GJA5: variants seen among roughly 807,000 people sequenced by gnomAD.
GJA5 encodes the protein gap junction protein alpha 5.
In GJA5, 3 loss-of-function variants were observed where a neutral mutation model predicts 7.9. The observed-to-expected ratio is 0.38, with a 90% CI of 0.17 to 0.99. The LOEUF is 0.99. GJA5 is among the 50% of genes least tolerant of loss of function. The pLI is 0.38. For missense variants in GJA5, 390 were observed against 457.9 expected (o/e 0.85, Z 1.35); for synonymous variants, 193 against 181.0 (o/e 1.07, Z -0.53).
chr1:147,759,077 A>G lies in GJA5; in HGVS notation c.162T>C (p.Cys54=). ...TCTGGCAGCCAGGCTGAATCGTATC[A>G]CACCGGAAATCAGCCTGCTCATCCC... ...SWGDEQADFR[C]DTIQPGCQNV... The change falls in exon 2 of 2, where the codon TGT becomes TGC. Residue 54 remains cysteine (C), a synonymous_variant. Coordinates refer to ENST00000579774, the MANE Select transcript of GJA5 (RefSeq NM_181703.4). 6.2e-7 allele frequency: 1 copy of G among 1,613,016 alleles called. No individual in the cohort carries two copies.
upstream of GJA5, among the ~76,000 whole-genome samples, chr1:147,764,136 A>G (rs1664117609): frequency 6.6e-6 from 1 of 152,104 alleles, no homozygotes; most frequent in Admixed American, 6.5e-5. Context: ...TGGTCCCCCT[A>G]CACGGCCAGT....
At chr1:147,771,810 G>A (rs1412052368) in intron 1 of GJA5, among the ~76,000 whole-genome samples, 1 of 152,188 alleles carries the variant, frequency 6.6e-6, no homozygotes, top group African/African-American at 2.4e-5. Context: ...GTGAGGAAAA[G>A]GCTTGGAGGG....
Position 147,758,018 on chromosome 1 carries a change from T to TA in GJA5, c.*143_*144insT, listed in dbSNP as rs1456765867. 1 of 685,732 alleles carries TA rather than the reference T, an allele frequency of 1.5e-6. No homozygotes were observed. The highest frequency in any genetic ancestry group is 2.6e-6 in the Non-Finnish European group (1 of 387,920). 42.5% of individuals were successfully genotyped at this position (685,732 alleles called of 1,614,324 possible). ...AGAGCCCTGGTTATAGTTTCTAGAA[T>TA]TAATGAGCAACGTCATTGAGACCCG... On this transcript the variant is annotated 3_prime_UTR_variant, in exon 2 of 2. Coordinates refer to ENST00000579774, the MANE Select transcript of GJA5 (RefSeq NM_181703.4).
intron 1 of GJA5, among the ~76,000 whole-genome samples, chr1:147,768,918 A>C (rs1393409472): frequency 1.3e-5 from 2 of 152,248 alleles, no homozygotes; most frequent in Non-Finnish European, 2.9e-5. Context: ...AAGAGAAAGA[A>C]AACCAAGGAC....
upstream of GJA5, among the ~76,000 whole-genome samples, chr1:147,761,300 T>C (rs1300459070): frequency 2.6e-5 from 4 of 152,210 alleles, no homozygotes; most frequent in African/African-American, 9.6e-5. Flanking sequence ...TTGACCGTCA[T>C]ATCTTTGCTG....
At chr1:147,761,834 G>T (rs782085453), upstream of GJA5, among the ~76,000 whole-genome samples, 14 of 152,152 alleles carry the variant, frequency 9.2e-5, no homozygotes, top group Non-Finnish European at 1.9e-4. Context: ...GGAGAGAAGG[G>T]GAGGAATAAA....
chr1:147,759,010 A>G lies in GJA5; in HGVS notation c.229T>C (p.Tyr77His), dbSNP rs1663877672. The change falls in exon 2 of 2, where the codon TAC (tyrosine) becomes CAC (histidine). Residue 77 changes from tyrosine to histidine, a missense_variant. Around this residue, in one of 2 missense-constraint regions of GJA5, gnomAD observed 354 missense variants for 370.9 expected, o/e 0.95. Transcript: ENST00000579774. ...ACGAAGATGATCTGCAGCACCCAGT[A>G]GCGAATGTGGGAGATGGGGAAAGCC... ...DQAFPISHIRYWVLQIIFVST... is the reference protein window; with the variant it reads ...DQAFPISHIRHWVLQIIFVST... 3.1e-6 allele frequency: 5 copies of G among 1,614,210 alleles called. No individual in the cohort carries two copies. Among genetic ancestry groups the G allele is most frequent in the Non-Finnish European group, 3.4e-6 (4 of 1,180,022 alleles).
intron 1 of GJA5, among the ~76,000 whole-genome samples, chr1:147,765,842 T>C (rs1553228117): frequency 6.6e-6 from 1 of 152,142 alleles, no homozygotes; most frequent in African/African-American, 2.4e-5. Flanking sequence ...TGTAGCAGTC[T>C]TTTAGTAGTG....
chr1:147,757,467 G>A lies in GJA5; in HGVS notation c.*695C>T, dbSNP rs1166092438. ...CACAGGCTAGGTGTACACCCTAGCAGAAGGAAAGGTTGCAACATCACCAAG... is the reference window on the plus strand; with the variant it reads ...CACAGGCTAGGTGTACACCCTAGCAAAAGGAAAGGTTGCAACATCACCAAG... On this transcript the variant is annotated 3_prime_UTR_variant, in exon 2 of 2. Transcript: ENST00000579774. The A allele has an allele frequency of 6.4e-6, 1 of 156,750 alleles. No individual in the cohort carries two copies. Among genetic ancestry groups the A allele is most frequent in the Non-Finnish European group, 1.4e-5 (1 of 70,698 alleles). 9.7% of individuals were successfully genotyped at this position (156,750 alleles called of 1,614,324 possible). A position where few individuals can be genotyped will look rare whatever the true frequency, so the allele number is the denominator to read the frequency against.
chr1:147,769,747 T>C (rs1171952717), intron 1 of GJA5, among the ~76,000 whole-genome samples: 3 of 152,022 alleles, frequency 2.0e-5, no homozygotes, highest in Non-Finnish European at 4.4e-5. Context: ...AAATTAGTTA[T>C]CTCACAAGGC....
upstream of GJA5, among the ~76,000 whole-genome samples, chr1:147,764,387 G>C (rs1664126503): frequency 6.6e-6 from 1 of 152,154 alleles, no homozygotes; most frequent in African/African-American, 2.4e-5. Flanking sequence ...CCTTAGACTT[G>C]TTTTCCAAAC....
upstream of GJA5, among the ~76,000 whole-genome samples, chr1:147,762,734 T>C (rs1664065970): frequency 6.6e-6 from 1 of 152,202 alleles, no homozygotes; most frequent in African/African-American, 2.4e-5. Flanking sequence ...CAGTTTATAA[T>C]GTGAAAGGTC....
At chr1:147,767,932 G>A (rs1553228463) in intron 1 of GJA5, among the ~76,000 whole-genome samples, 1 of 152,228 alleles carries the variant, frequency 6.6e-6, no homozygotes. Context: ...ATAGGGAGTT[G>A]ATTGTAGGTG....
Position 147,758,489 on chromosome 1 carries a change from A to C in GJA5, c.750T>G (p.Leu250=), listed in dbSNP as rs1663837249. The C allele has an allele frequency of 6.2e-7, 1 of 1,614,092 alleles. No individual in the cohort carries two copies. The highest frequency in any genetic ancestry group is 1.1e-5 in the South Asian group (1 of 91,090). The part of the protein sequence containing the change: ...KPRQHMAKCQ[L]SGPSVGIVQS... ...GGACTATGCCCACAGAGGGGCCAGA[A>C]AGCTGGCACTTAGCCATGTGCTGCC... is the stretch of plus-strand genomic sequence containing the variant. The change falls in exon 2 of 2, where the codon CTT becomes CTG. Residue 250 remains leucine, a synonymous_variant. Coordinates refer to ENST00000579774, the MANE Select transcript of GJA5 (RefSeq NM_181703.4).
At chr1:147,766,314 C>T (rs148819085) in intron 1 of GJA5, among the ~76,000 whole-genome samples, 25 of 152,236 alleles carry the variant, frequency 1.6e-4, no homozygotes, top group African/African-American at 5.3e-4. Flanking sequence ...ATAAAAACAA[C>T]GATGGATGAA....
At chr1:147,771,210 G>A (rs1281727635) in intron 1 of GJA5, among the ~76,000 whole-genome samples, 8 of 152,164 alleles carry the variant, frequency 5.3e-5, no homozygotes, top group South Asian at 2.1e-4. Flanking sequence ...TGTGCCCCAC[G>A]AACAGCCAGT....
chr1:147,757,375 A>T lies in GJA5; in HGVS notation c.*787T>A, dbSNP rs1223518465. ...TGAACTGTAAAGGAGCTGCAGGGTG[A>T]CAGATGTTGGCAGGAATTCCAGTAG... On this transcript the variant is annotated 3_prime_UTR_variant, in exon 2 of 2. Coordinates refer to ENST00000579774, the MANE Select transcript of GJA5 (RefSeq NM_181703.4). 3.3e-5 allele frequency: 5 copies of T among 152,732 alleles called. 1 individual carries two copies. The highest frequency in any genetic ancestry group is 2.6e-4 in the Admixed American group (4 of 15,322). 9.5% of individuals were successfully genotyped at this position (152,732 alleles called of 1,614,324 possible).
At chr1:147,761,708 A>C (rs1261759704), upstream of GJA5, among the ~76,000 whole-genome samples, 1 of 152,220 alleles carries the variant, frequency 6.6e-6, no homozygotes, top group Non-Finnish European at 1.5e-5. Context: ...TGATTAGATA[A>C]GAGTTTGAAT....
Position 147,758,322 on chromosome 1 carries a change from T to A in GJA5, c.917A>T (p.Gln306Leu). The change falls in exon 2 of 2, where the codon CAG becomes CTG. Residue 306 changes from glutamine to leucine, a missense_variant. Physicochemically the swap from Gln to Leu is moderately radical, Grantham distance 113. This residue lies in a region of GJA5 where 354 missense variants were observed against 370.9 expected (regional missense o/e 0.95). Transcript: ENST00000579774. The part of the protein sequence containing the change: ...LVTEQVRGQE[Q>L]TPGEGFIQVR... ...CTGGATGAAACCTTCCCCAGGAGTC[T>A]GCTCCTGACCTCGTACTTGCTCGGT... The A allele has an allele frequency of 6.2e-7, 1 of 1,614,178 alleles. No homozygotes were observed. The highest frequency in any genetic ancestry group is 8.5e-7 in the Non-Finnish European group (1 of 1,179,986).
Sources: gnomAD v4.1 joint callset for allele counts (sites outside exome capture counted in the v4.1 genomes callset) on GRCh38, gnomAD v4.1.1 for gene constraint, gnomAD v4.1.1 regional missense constraint, MANE v1.5 for transcripts, NCBI Gene and HGNC (gene_info 2026-07-23, HGNC 2026-07-21) for gene names.